Variants in SYNDIG1 observed in about 807,000 individuals in gnomAD.
SYNDIG1 encodes synapse differentiation inducing 1.
Under a neutral mutation model 19.4 loss-of-function variants are expected in SYNDIG1, and 9 were observed. That is an observed-to-expected ratio of 0.46 (90% CI 0.28 to 0.81). The LOEUF is 0.81. Among genes scored for constraint, SYNDIG1 ranks in the 30% least tolerant of loss-of-function variants. The probability of loss-of-function intolerance (pLI) is 0.12; values close to 1 mark genes in which losing one functional copy is unlikely to be tolerated. For missense variants in SYNDIG1, 311 were observed against 343.3 expected (o/e 0.91, Z 0.74); for synonymous variants, 141 against 145.9 (o/e 0.97, Z 0.24).
At position 24,471,547 on chromosome 20, in the gene SYNDIG1, C is replaced by A. The variant is rs547700304; in HGVS notation, c.-79+1794C>A. Among the ~76,000 whole-genome samples, 187 of 151,170 alleles carry A rather than the reference C, an allele frequency of 1.2e-3. 1 individual carries two copies. Among genetic ancestry groups the A allele is most frequent in the Non-Finnish European group, 2.2e-3 (152 of 67,858 alleles). Reference sequence around the variant, plus strand: ...AGTAGCTGATCGGCGCCCTCTCTCACCCTGTCCCCATTTCCTGCCTGAAAA... The same window carrying A: ...AGTAGCTGATCGGCGCCCTCTCTCAACCTGTCCCCATTTCCTGCCTGAAAA... On this transcript the variant is annotated intron_variant, in intron 1 of 3. Coordinates refer to ENST00000376862, the MANE Select transcript of SYNDIG1 (RefSeq NM_024893.3).
At chr20:24,546,075 G>A (rs1030118945) in intron 2 of SYNDIG1, among the ~76,000 whole-genome samples, 5 of 152,148 alleles carry the variant, frequency 3.3e-5, no homozygotes, top group African/African-American at 9.7e-5. Context: ...TTCTACATGC[G>A]GCTCAGGATG....
At chr20:24,612,201 C>A (rs897949988) in intron 3 of SYNDIG1, among the ~76,000 whole-genome samples, 1 of 152,220 alleles carries the variant, frequency 6.6e-6, no homozygotes, top group Non-Finnish European at 1.5e-5. Flanking sequence ...CTTAGGAGCA[C>A]GGACGCCTCC....
chr20:24,588,341 A>C (rs895076338), intron 3 of SYNDIG1, among the ~76,000 whole-genome samples: 18 of 152,254 alleles, frequency 1.2e-4, no homozygotes, highest in Admixed American at 1.2e-3. Context: ...AATTCTAAAA[A>C]TATGTTCATG....
chr20:24,638,810 A>G (rs2059342807), intron 3 of SYNDIG1, among the ~76,000 whole-genome samples: 2 of 152,270 alleles, frequency 1.3e-5, no homozygotes, highest in Non-Finnish European at 2.9e-5. Flanking sequence ...AAGTCTGTGC[A>G]TGACTCAGCT....
chr20:24,647,544 A>G (rs1219029699), intron 3 of SYNDIG1, among the ~76,000 whole-genome samples: 1 of 152,048 alleles, frequency 6.6e-6, no homozygotes, highest in Non-Finnish European at 1.5e-5. Context: ...ACAGGCATCC[A>G]TGGAAAAGGA....
intron 3 of SYNDIG1, among the ~76,000 whole-genome samples, chr20:24,606,418 TA>T (rs533825055): frequency 1.7e-3 from 264 of 152,366 alleles, no homozygotes; most frequent in African/African-American, 6.0e-3. Context: ...ATCTAGCAGA[TA>T]ATTACCCCAG....
At chr20:24,621,420 A>G (rs77951856) in intron 3 of SYNDIG1, among the ~76,000 whole-genome samples, 126 of 152,350 alleles carry the variant, frequency 8.3e-4, no homozygotes, top group African/African-American at 2.8e-3. Context: ...GCCATTTGCA[A>G]AATGTATTAT....
intron 3 of SYNDIG1, among the ~76,000 whole-genome samples, chr20:24,618,604 T>C (rs899277016): frequency 2.0e-5 from 3 of 152,222 alleles, no homozygotes; most frequent in Non-Finnish European, 2.9e-5. Flanking sequence ...TCATTAGCTT[T>C]ATATTTTCCT....
chr20:24,609,962 G>A (rs1038589650), intron 3 of SYNDIG1, among the ~76,000 whole-genome samples: 1 of 152,046 alleles, frequency 6.6e-6, no homozygotes, highest in Non-Finnish European at 1.5e-5. Context: ...CATCCCACGT[G>A]CAACACTGCT....
intron 3 of SYNDIG1, among the ~76,000 whole-genome samples, chr20:24,642,663 C>A (rs2059389577): frequency 6.6e-6 from 1 of 152,040 alleles, no homozygotes; most frequent in Non-Finnish European, 1.5e-5. Context: ...CCCTTGGGAG[C>A]TCTTTCAGAT....
At chr20:24,477,113 T>C (rs2055650698) in intron 1 of SYNDIG1, among the ~76,000 whole-genome samples, 1 of 152,248 alleles carries the variant, frequency 6.6e-6, no homozygotes, top group Non-Finnish European at 1.5e-5. Context: ...ACCTCGAGTT[T>C]CTGATTTGCC....
intron 2 of SYNDIG1, among the ~76,000 whole-genome samples, chr20:24,566,946 A>G (rs2058054665): frequency 6.6e-6 from 1 of 152,224 alleles, no homozygotes; most frequent in African/African-American, 2.4e-5. Flanking sequence ...CTTCAGGGAC[A>G]GAGGAGGCAC....
intron 3 of SYNDIG1, among the ~76,000 whole-genome samples, chr20:24,622,542 TTC>T (rs2059055242): frequency 1.3e-5 from 2 of 152,190 alleles, no homozygotes; most frequent in African/African-American, 4.8e-5. Context: ...TGGCATTAGA[TTC>T]TCATAGGAAT....
chr20:24,534,857 T>C (rs1472399761), intron 1 of SYNDIG1, among the ~76,000 whole-genome samples: 1 of 152,178 alleles, frequency 6.6e-6, no homozygotes, highest in Admixed American at 6.5e-5. Flanking sequence ...TGCGGCTTCC[T>C]TTATTCCCTG....
At chr20:24,549,200 A>G (rs976223831) in intron 2 of SYNDIG1, among the ~76,000 whole-genome samples, 2 of 152,144 alleles carry the variant, frequency 1.3e-5, no homozygotes, top group Non-Finnish European at 2.9e-5. Context: ...GTTTTAATAC[A>G]TCTCTTCCTA....
At chr20:24,589,801 ACCAGC>A (rs1203192164) in intron 3 of SYNDIG1, among the ~76,000 whole-genome samples, 1 of 152,250 alleles carries the variant, frequency 6.6e-6, no homozygotes, top group African/African-American at 2.4e-5. Flanking sequence ...TATGAATAGT[ACCAGC>A]AAAGGGAATT....
intron 3 of SYNDIG1, among the ~76,000 whole-genome samples, chr20:24,618,046 C>A (rs1286110267): frequency 9.8e-6 from 1 of 101,656 alleles, no homozygotes; most frequent in African/African-American, 3.9e-5. Flanking sequence ...GGGGAGAGCC[C>A]GGGAAGCAGG....
At chr20:24,570,062 G>T (rs1235902788) in intron 2 of SYNDIG1, among the ~76,000 whole-genome samples, 2 of 152,134 alleles carry the variant, frequency 1.3e-5, no homozygotes, top group East Asian at 3.8e-4. Flanking sequence ...TTTCAGTATT[G>T]TATTTTATAA....
At chr20:24,646,007 G>T (rs116074367) in intron 3 of SYNDIG1, among the ~76,000 whole-genome samples, 4,010 of 152,194 alleles carry the variant, frequency 0.026, 179 homozygotes, top group African/African-American at 0.089. Context: ...CCCACACAGA[G>T]CCACCTCCAT....
Sources: gnomAD v4.1 joint callset for allele counts (sites outside exome capture counted in the v4.1 genomes callset) on GRCh38, gnomAD v4.1.1 for gene constraint, MANE v1.5 for transcripts, NCBI Gene and HGNC (gene_info 2026-07-23, HGNC 2026-07-21) for gene names.